The following CNTNAP2 variants were observed in gnomAD, a reference collection of about 807,000 sequenced individuals.
CNTNAP2 encodes contactin associated protein 2.
In CNTNAP2, 98 loss-of-function variants were observed where a neutral mutation model predicts 155.2. The ratio of observed to expected loss-of-function variants is 0.63; its 90% confidence interval spans 0.54 to 0.75. The LOEUF (loss-of-function observed/expected upper bound fraction) is 0.75. CNTNAP2 is among the 30% of genes least tolerant of loss of function. CNTNAP2 has a pLI of 0.00. For synonymous variants in CNTNAP2, 651 were observed against 631.2 expected (o/e 1.03, Z -0.47); for missense variants, 1,727 against 1,688.1 (o/e 1.02, Z -0.40).
At chr7:147,766,976 A>G (rs1381319590) in intron 13 of CNTNAP2, among the ~76,000 whole-genome samples, 2 of 152,132 alleles carry the variant, frequency 1.3e-5, no homozygotes, top group Non-Finnish European at 2.9e-5. Context: ...CTGACAATTT[A>G]TCTGTTGTTA....
rs534063460 is a variant in CNTNAP2 at position 146,695,375 on chromosome 7, ATAAATTACATTGATTTT to A, written c.98-78871_98-78855del. 4.6e-3 allele frequency among the ~76,000 whole-genome samples: 698 copies of A among 152,234 alleles called. 6 individuals are homozygous for A. The highest frequency in any genetic ancestry group is 7.2e-3 in the Admixed American group (110 of 15,274). Reference sequence around the variant, plus strand: ...GATATTTCTTCCTTAGCCTATTGTGATAAATTACATTGATTTTTAAATTACATTGATTTTTAAATTAA... The same window carrying A: ...GATATTTCTTCCTTAGCCTATTGTGATAAATTACATTGATTTTTAAATTAA... On this transcript the variant is annotated intron_variant, in intron 1 of 23. Coordinates refer to ENST00000361727, the MANE Select transcript of CNTNAP2 (RefSeq NM_014141.6).
chr7:147,935,124 A>G (rs1922889), intron 14 of CNTNAP2, among the ~76,000 whole-genome samples: 64,800 of 151,552 alleles, frequency 0.43, 17,012 homozygotes, highest in Middle Eastern at 0.71. Context: ...AGGTTTGAGT[A>G]AATCTTTCTT....
At chr7:146,778,120 C>A (rs766073437) in intron 2 of CNTNAP2, among the ~76,000 whole-genome samples, 1 of 151,918 alleles carries the variant, frequency 6.6e-6, no homozygotes, top group Non-Finnish European at 1.5e-5. Context: ...CAGAATGTAA[C>A]CTACTAATTA....
intron 9 of CNTNAP2, among the ~76,000 whole-genome samples, chr7:147,360,462 A>G (rs1184961361): frequency 6.6e-6 from 1 of 152,130 alleles, no homozygotes; most frequent in East Asian, 1.9e-4. Flanking sequence ...CTATCTTTAA[A>G]GACATGAGAT....
At chr7:147,174,055 T>C (rs1161549630) in intron 8 of CNTNAP2, among the ~76,000 whole-genome samples, 1 of 152,136 alleles carries the variant, frequency 6.6e-6, no homozygotes, top group Non-Finnish European at 1.5e-5. Context: ...CTCTGAATCA[T>C]GTATGTCCTC....
At chr7:147,082,050 G>A (rs1489488041) in intron 4 of CNTNAP2, 1 of 152,040 alleles carries the variant, frequency 6.6e-6, no homozygotes, top group African/African-American at 2.4e-5. Context: ...CTTATTCATT[G>A]GTCTGTTCAA....
chr7:147,738,533 C>T (rs1482109826), intron 13 of CNTNAP2, among the ~76,000 whole-genome samples: 10 of 152,112 alleles, frequency 6.6e-5, no homozygotes, highest in Admixed American at 4.6e-4. Context: ...TTTTTGAAGG[C>T]TCAAATAATC....
chr7:147,474,234 G>A lies in CNTNAP2; in HGVS notation c.1671-11701G>A, dbSNP rs112144128. Among the ~76,000 whole-genome samples, 397 of 152,160 alleles carry A rather than the reference G, an allele frequency of 2.6e-3. 2 individuals are homozygous for A. Among genetic ancestry groups the A allele is most frequent in the African/African-American group, 9.2e-3 (382 of 41,518 alleles). On this transcript the variant is annotated intron_variant, in intron 10 of 23. Coordinates refer to ENST00000361727, the MANE Select transcript of CNTNAP2 (RefSeq NM_014141.6). ...CCACCCTGGGCCCAAGGATATGATG[G>A]GGTTGCAGAGATTAGAGAGCTCAGA...
intron 10 of CNTNAP2, among the ~76,000 whole-genome samples, chr7:147,441,782 CCTTA>C (rs1797638969): frequency 1.3e-5 from 2 of 148,306 alleles, no homozygotes; most frequent in Admixed American, 1.4e-4. Context: ...TGTTCTCTTC[CCTTA>C]CTTTCTTCCA....
chr7:147,631,264 T>C (rs953535944), intron 12 of CNTNAP2, among the ~76,000 whole-genome samples: 1 of 152,112 alleles, frequency 6.6e-6, no homozygotes, highest in African/African-American at 2.4e-5. Flanking sequence ...TACTTAGGAC[T>C]ATACCTAACC....
chr7:147,378,959 A>C (rs1370842946), intron 9 of CNTNAP2, among the ~76,000 whole-genome samples: 4 of 152,032 alleles, frequency 2.6e-5, no homozygotes, highest in African/African-American at 9.7e-5. Context: ...AGTGAGAGAT[A>C]ATTGAATCAT....
intron 19 of CNTNAP2, among the ~76,000 whole-genome samples, chr7:148,221,937 G>T (rs1795753574): frequency 6.6e-6 from 1 of 152,192 alleles, no homozygotes; most frequent in Non-Finnish European, 1.5e-5. Context: ...TTACGTCATG[G>T]TGTCCATAGA....
At chr7:148,139,791 G>A (rs1054454995) in intron 16 of CNTNAP2, among the ~76,000 whole-genome samples, 9 of 152,010 alleles carry the variant, frequency 5.9e-5, no homozygotes, top group South Asian at 2.1e-4. Flanking sequence ...CACCCGCCTC[G>A]GCCTCCCAAA....
At chr7:146,445,276 T>C (rs538057089) in intron 1 of CNTNAP2, among the ~76,000 whole-genome samples, 2 of 152,322 alleles carry the variant, frequency 1.3e-5, no homozygotes, top group East Asian at 3.9e-4. Context: ...TGGGGCAAAA[T>C]CAAATCAAGT....
intron 1 of CNTNAP2, among the ~76,000 whole-genome samples, chr7:146,185,436 C>T (rs920343542): frequency 1.1e-4 from 17 of 151,980 alleles, no homozygotes; most frequent in Admixed American, 6.6e-4. Flanking sequence ...AGAGTATTTA[C>T]GGGTTGGAAC....
At chr7:148,081,299 A>G (rs187578244) in intron 15 of CNTNAP2, among the ~76,000 whole-genome samples, 1 of 152,070 alleles carries the variant, frequency 6.6e-6, no homozygotes, top group Admixed American at 6.6e-5. Context: ...ACGTGATTGG[A>G]TTGAAGGATG....
intron 2 of CNTNAP2, among the ~76,000 whole-genome samples, chr7:146,811,822 C>T (rs1803072016): frequency 6.6e-6 from 1 of 152,076 alleles, no homozygotes; most frequent in South Asian, 2.1e-4. Flanking sequence ...TGACTGAGTT[C>T]TCATGAGATC....
At chr7:146,903,544 C>T (rs900845624) in intron 3 of CNTNAP2, among the ~76,000 whole-genome samples, 4 of 152,172 alleles carry the variant, frequency 2.6e-5, no homozygotes, top group African/African-American at 9.7e-5. Flanking sequence ...TTTATTCATA[C>T]AAAATTAGTG....
At chr7:148,095,713 C>T (rs562547884) in intron 15 of CNTNAP2, among the ~76,000 whole-genome samples, 13 of 152,274 alleles carry the variant, frequency 8.5e-5, no homozygotes, top group East Asian at 5.8e-4. Flanking sequence ...AGAGCACCAT[C>T]GGGGAAAAAT....
Sources: allele counts gnomAD v4.1 joint callset (sites outside exome capture counted in the v4.1 genomes callset), GRCh38; gene constraint gnomAD v4.1.1; transcripts MANE v1.5; gene names NCBI Gene and HGNC (gene_info 2026-07-23, HGNC 2026-07-21).